The following TMEM232 variants were observed in gnomAD, a reference collection of about 807,000 sequenced individuals.
TMEM232 encodes the protein transmembrane protein 232.
A neutral mutation model predicts 78.8 loss-of-function variants in TMEM232; 80 were observed. The observed-to-expected ratio is 1.01, with a 90% CI of 0.85 to 1.22. The LOEUF (loss-of-function observed/expected upper bound fraction) is 1.22, where lower values mean the gene tolerates loss of function less well. Ranked by LOEUF, TMEM232 falls within the 50% of genes most tolerant of loss-of-function variation. TMEM232 has a pLI of 0.00. For missense variants in TMEM232, 881 were observed against 742.2 expected (o/e 1.19, Z -2.17); for synonymous variants, 297 against 254.3 (o/e 1.17, Z -1.60).
At chr5:110,579,664 C>T (rs1006939710) in intron 10 of TMEM232, among the ~76,000 whole-genome samples, 2 of 151,036 alleles carry the variant, frequency 1.3e-5, no homozygotes, top group Non-Finnish European at 1.5e-5. Context: ...AAAGGAAATA[C>T]CTACAGAAGT....
At chr5:110,390,156 C>T (rs1755128670) in intron 4 of TMEM232, among the ~76,000 whole-genome samples, 1 of 152,184 alleles carries the variant, frequency 6.6e-6, no homozygotes, top group Non-Finnish European at 1.5e-5. Context: ...CCCTCACTTT[C>T]CTAGCTACTG....
At chr5:110,405,123 T>A (rs574057869) in intron 2 of TMEM232, among the ~76,000 whole-genome samples, 5 of 152,204 alleles carry the variant, frequency 3.3e-5, no homozygotes, top group African/African-American at 1.2e-4. Flanking sequence ...TTAAATTGCA[T>A]CTCAACTTTC....
intron 8 of TMEM232, among the ~76,000 whole-genome samples, chr5:110,608,434 A>T (rs1261428615): frequency 6.6e-6 from 1 of 151,796 alleles, no homozygotes. Flanking sequence ...ACTACTTATC[A>T]TTTATACTTC....
chr5:110,631,615 C>G (rs1055907870), intron 5 of TMEM232, among the ~76,000 whole-genome samples: 1 of 152,150 alleles, frequency 6.6e-6, no homozygotes. Flanking sequence ...TGGATAGTGA[C>G]CACACTCCCA....
chr5:110,595,405 A>C (rs1169265302), intron 10 of TMEM232, among the ~76,000 whole-genome samples: 1 of 152,176 alleles, frequency 6.6e-6, no homozygotes, highest in African/African-American at 2.4e-5. Context: ...CAAGGGCACA[A>C]AACCGTATGA....
chr5:110,584,264 G>A (rs1778546786), intron 10 of TMEM232, among the ~76,000 whole-genome samples: 1 of 151,790 alleles, frequency 6.6e-6, no homozygotes, highest in South Asian at 2.1e-4. Context: ...TCTGTTGACA[G>A]ATGAATGGAT....
At chr5:110,531,228 CACTG>C (rs915531360) in intron 11 of TMEM232, among the ~76,000 whole-genome samples, 1 of 152,094 alleles carries the variant, frequency 6.6e-6, no homozygotes, top group Non-Finnish European at 1.5e-5. Flanking sequence ...CATCTCCCTT[CACTG>C]ACTCTCTTTT....
intron 4 of TMEM232, among the ~76,000 whole-genome samples, chr5:110,639,736 G>T (rs1561434967): frequency 6.6e-6 from 1 of 152,212 alleles, no homozygotes. Context: ...TACCATAATT[G>T]ATTTAGACCA....
intron 12 of TMEM232, among the ~76,000 whole-genome samples, chr5:110,502,485 A>G (rs918357112): frequency 3.9e-5 from 6 of 152,218 alleles, no homozygotes; most frequent in African/African-American, 1.4e-4. Context: ...AATAAAAGAA[A>G]CATCAGTTTA....
intron 12 of TMEM232, among the ~76,000 whole-genome samples, chr5:110,475,280 T>C (rs1763122054): frequency 6.6e-6 from 1 of 151,876 alleles, no homozygotes; most frequent in Admixed American, 6.6e-5. Context: ...GCTATATTTT[T>C]AGTGAAAGTA....
At chr5:110,400,918 G>A (rs1363245936) in intron 2 of TMEM232, among the ~76,000 whole-genome samples, 1 of 151,902 alleles carries the variant, frequency 6.6e-6, no homozygotes, top group Non-Finnish European at 1.5e-5. Context: ...TAATCATTAG[G>A]ATATAGATAT....
intron 11 of TMEM232, among the ~76,000 whole-genome samples, chr5:110,568,229 T>C (rs1324497634): frequency 6.6e-6 from 1 of 151,962 alleles, no homozygotes. Context: ...TAATTCTGTT[T>C]CTATTACAGA....
intron 12 of TMEM232, among the ~76,000 whole-genome samples, chr5:110,484,979 A>G (rs1000753340): frequency 1.3e-5 from 2 of 152,144 alleles, no homozygotes; most frequent in African/African-American, 4.8e-5. Flanking sequence ...AAAAATTGAA[A>G]AACAGTAGAT....
At chr5:110,643,717 G>C (rs1444998940) in intron 2 of TMEM232, among the ~76,000 whole-genome samples, 1 of 151,882 alleles carries the variant, frequency 6.6e-6, no homozygotes, top group Non-Finnish European at 1.5e-5. Flanking sequence ...TGCTCTGTGA[G>C]ATAAATAAAA....
chr5:110,587,681 ATATATATATATGTG>A (rs1373266394), intron 10 of TMEM232, among the ~76,000 whole-genome samples: 8 of 105,620 alleles, frequency 7.6e-5, no homozygotes, highest in Admixed American at 3.2e-4. Flanking sequence ...ATATATATAT[ATATATATATATGTG>A]TGTGTGTGTG....
At chr5:110,708,549 T>C (rs78455858) in intron 1 of TMEM232, among the ~76,000 whole-genome samples, 1 of 151,726 alleles carries the variant, frequency 6.6e-6, no homozygotes, top group Non-Finnish European at 1.5e-5. Context: ...ACATAGACAG[T>C]ATAGTAAGAC....
intron 12 of TMEM232, among the ~76,000 whole-genome samples, chr5:110,500,251 T>C (rs1289480805): frequency 7.6e-6 from 1 of 132,376 alleles, no homozygotes; most frequent in Non-Finnish European, 1.5e-5. Context: ...ACTGCGCCAC[T>C]GCACTCTAGC....
At chr5:110,612,445 T>C (rs2149862540) in intron 8 of TMEM232, among the ~76,000 whole-genome samples, 1 of 152,226 alleles carries the variant, frequency 6.6e-6, no homozygotes, top group Admixed American at 6.5e-5. Flanking sequence ...GACATTTCAG[T>C]TCATAAGAAA....
intron 5 of TMEM232, among the ~76,000 whole-genome samples, chr5:110,634,040 GTAAC>G (rs1388860103): frequency 6.6e-6 from 1 of 151,990 alleles, no homozygotes; most frequent in Non-Finnish European, 1.5e-5. Flanking sequence ...GCAAGTAGGA[GTAAC>G]TATCCTTCTA....
Sources: allele counts gnomAD v4.1 joint callset (sites outside exome capture counted in the v4.1 genomes callset), GRCh38; gene constraint gnomAD v4.1.1; transcripts MANE v1.5; gene names NCBI Gene and HGNC (gene_info 2026-07-23, HGNC 2026-07-21).